The following SERINC1 variants were observed in gnomAD, a reference collection of about 807,000 sequenced individuals.
SERINC1 encodes the protein serine incorporator 1.
SERINC1 carries 38 observed loss-of-function variants against 52.9 expected under a neutral mutation model. That is an observed-to-expected ratio of 0.72 (90% CI 0.55 to 0.94). SERINC1 has a LOEUF of 0.94. SERINC1 is among the 40% of genes least tolerant of loss of function. The probability of loss-of-function intolerance (pLI) is 0.00; values close to 1 mark genes in which losing one functional copy is unlikely to be tolerated. For synonymous variants in SERINC1, 198 were observed against 183.1 expected (o/e 1.08, Z -0.66); for missense variants, 471 against 533.9 (o/e 0.88, Z 1.16).
At position 122,447,284 on chromosome 6, in the gene SERINC1, T is replaced by C; in HGVS notation, c.851-19A>G. 1 of 1,575,550 alleles carries C rather than the reference T, an allele frequency of 6.3e-7. No individual in the cohort carries two copies. On this transcript the variant is annotated intron_variant, in intron 7 of 9. Coordinates refer to ENST00000339697, the MANE Select transcript of SERINC1 (RefSeq NM_020755.4). ...TTTGTTTCTGTAATATAAAGCCAAA[T>C]TAAAATGTTAGAATATATTAAAAAG...
At chr6:122,454,540 G>T (rs1028211987) in intron 3 of SERINC1, 27 of 265,272 alleles carry the variant, frequency 1.0e-4, no homozygotes, top group African/African-American at 5.8e-4. Context: ...AAGTCAACAT[G>T]TGAAAGGAAT....
At chr6:122,453,481 A>G (rs1413257045) in intron 5 of SERINC1, among the ~76,000 whole-genome samples, 1 of 152,190 alleles carries the variant, frequency 6.6e-6, no homozygotes, top group Non-Finnish European at 1.5e-5. Flanking sequence ...AAATTAGGCT[A>G]TAAAGTGCAC....
intron 1 of SERINC1, among the ~76,000 whole-genome samples, chr6:122,469,757 C>A (rs532249785): frequency 3.5e-4 from 53 of 152,152 alleles, no homozygotes; most frequent in South Asian, 2.5e-3. Flanking sequence ...CGGGGTTTCA[C>A]CATATTGACC....
chr6:122,471,120 A>C (rs553132650), intron 1 of SERINC1, among the ~76,000 whole-genome samples: 6 of 151,874 alleles, frequency 4.0e-5, no homozygotes, highest in African/African-American at 1.4e-4. Context: ...CACTTCAAAC[A>C]GTTACGGCAG....
intron 2 of SERINC1, among the ~76,000 whole-genome samples, chr6:122,457,984 T>C (rs1775030558): frequency 1.3e-5 from 2 of 152,146 alleles, no homozygotes; most frequent in Admixed American, 1.3e-4. Context: ...CTGGTTGTTA[T>C]TTATGATTCC....
At chr6:122,460,800 G>C (rs1775088336) in intron 1 of SERINC1, among the ~76,000 whole-genome samples, 1 of 152,030 alleles carries the variant, frequency 6.6e-6, no homozygotes, top group South Asian at 2.1e-4. Flanking sequence ...TTTATAAATA[G>C]GGCATTGTAG....
At chr6:122,464,977 T>C (rs1237488541) in intron 1 of SERINC1, among the ~76,000 whole-genome samples, 1 of 152,162 alleles carries the variant, frequency 6.6e-6, no homozygotes, top group Admixed American at 6.5e-5. Context: ...TATATTAATT[T>C]ACCTATGTTC....
chr6:122,461,366 C>T (rs1282677573), intron 1 of SERINC1, among the ~76,000 whole-genome samples: 3 of 151,836 alleles, frequency 2.0e-5, no homozygotes, highest in Admixed American at 1.3e-4. Context: ...TAGTAAGAAA[C>T]GGTTCAAGCC....
At chr6:122,445,452 TAGAC>T (rs10557440) in intron 9 of SERINC1, among the ~76,000 whole-genome samples, 6,810 of 152,200 alleles carry the variant, frequency 0.045, 388 homozygotes, top group East Asian at 0.14. Flanking sequence ...GCCATGTTAT[TAGAC>T]AGAAGAGGAA....
chr6:122,443,776 T>C lies in SERINC1; in HGVS notation c.*1268A>G, dbSNP rs1247734897. ...ACCAGTAATGAGGTGTAAAATCAAT[T>C]ATGCATGTATTTTGAATAGAAATTA... On this transcript the variant is annotated 3_prime_UTR_variant, in exon 10 of 10. Coordinates refer to ENST00000339697, the MANE Select transcript of SERINC1 (RefSeq NM_020755.4). The C allele has an allele frequency of 1.3e-5, 2 of 152,178 alleles. No individual in the cohort carries two copies. Among genetic ancestry groups the C allele is most frequent in the Non-Finnish European group, 2.9e-5 (2 of 68,028 alleles). The allele number at this position is 152,178 out of a possible 1,614,324, so 9.4% of individuals were successfully genotyped here. A position where few individuals can be genotyped will look rare whatever the true frequency, so the allele number is the denominator to read the frequency against.
At chr6:122,465,628 C>T (rs368336321) in intron 1 of SERINC1, among the ~76,000 whole-genome samples, 2 of 152,238 alleles carry the variant, frequency 1.3e-5, no homozygotes, top group African/African-American at 4.8e-5. Context: ...AGCCAGATCA[C>T]TTCACGGTAG....
intron 9 of SERINC1, among the ~76,000 whole-genome samples, chr6:122,445,947 A>T (rs1268435811): frequency 2.6e-5 from 4 of 151,398 alleles, no homozygotes; most frequent in Non-Finnish European, 5.9e-5. Flanking sequence ...TGTAAGAATT[A>T]AAAAATATAT....
Position 122,471,677 on chromosome 6 carries a change from G to C in SERINC1, c.39+22C>G, listed in dbSNP as rs763101627. 4 of 1,614,094 alleles carry C rather than the reference G, an allele frequency of 2.5e-6. No homozygotes were observed. In the East Asian group the frequency reaches 8.9e-5, roughly 36 times the overall value. ...TTTGGTCTCTCACACTAGCACCCCA[G>C]AGGCCGCAAAAAGCACCTTACCCAG... is the stretch of plus-strand genomic sequence containing the variant. On this transcript the variant is annotated intron_variant, in intron 1 of 9. Coordinates refer to ENST00000339697, the MANE Select transcript of SERINC1 (RefSeq NM_020755.4).
Position 122,445,063 on chromosome 6 carries a change from G to C in SERINC1, c.1343C>G (p.Thr448Arg), listed in dbSNP as rs2114471514. The change falls in exon 10 of 10, where the codon ACA (threonine) becomes AGA (arginine). Residue 448 changes from threonine to arginine, a missense_variant. Thr to Arg is a moderately conservative substitution (Grantham distance 71). Transcript: ENST00000339697. Reference sequence around the variant, plus strand: ...TCTCACTCAGTCAAAATCACGATTTGTAAGAACAAGTGGTGCCACGAGTGT... The same window carrying C: ...TCTCACTCAGTCAAAATCACGATTTCTAAGAACAAGTGGTGCCACGAGTGT... ...VWTLVAPLVL[T>R]NRDFD The C allele has an allele frequency of 6.2e-7, 1 of 1,613,190 alleles. No homozygotes were observed. The highest frequency in any genetic ancestry group is 2.2e-5 in the East Asian group (1 of 44,842).
chr6:122,468,456 G>C (rs1413287254), intron 1 of SERINC1, among the ~76,000 whole-genome samples: 1 of 152,140 alleles, frequency 6.6e-6, no homozygotes, highest in Non-Finnish European at 1.5e-5. Flanking sequence ...GTGTCCAGTT[G>C]AAAATCACTG....
chr6:122,448,438 T>A (rs1774845739), intron 7 of SERINC1, among the ~76,000 whole-genome samples: 1 of 152,140 alleles, frequency 6.6e-6, no homozygotes, highest in African/African-American at 2.4e-5. Flanking sequence ...TCAGATAAAT[T>A]TTTTAGGAAA....
chr6:122,452,375 A>G (rs1217860366), intron 5 of SERINC1, among the ~76,000 whole-genome samples: 2 of 152,206 alleles, frequency 1.3e-5, no homozygotes, highest in Admixed American at 6.5e-5. Flanking sequence ...TATTTTCAAA[A>G]TAAAGAAAAA....
At chr6:122,447,721 C>A (rs1774831634) in intron 7 of SERINC1, among the ~76,000 whole-genome samples, 1 of 152,122 alleles carries the variant, frequency 6.6e-6, no homozygotes, top group Non-Finnish European at 1.5e-5. Flanking sequence ...ACCAAGACAG[C>A]TTACACAAAA....
chr6:122,455,052 T>C (rs1012759042), intron 3 of SERINC1, among the ~76,000 whole-genome samples: 2 of 152,176 alleles, frequency 1.3e-5, no homozygotes, highest in African/African-American at 2.4e-5. Context: ...ACTGGTGCGT[T>C]TTCAGTTGTA....
Sources: allele counts gnomAD v4.1 joint callset (sites outside exome capture counted in the v4.1 genomes callset), GRCh38; gene constraint gnomAD v4.1.1; transcripts MANE v1.5; gene names NCBI Gene and HGNC (gene_info 2026-07-23, HGNC 2026-07-21).